TXNDC9: variants seen among roughly 807,000 people sequenced by gnomAD.
The protein encoded by TXNDC9 is thioredoxin domain-containing protein 9.
In TXNDC9, 7 loss-of-function variants were observed where a neutral mutation model predicts 23.0. The observed-to-expected ratio is 0.30, with a 90% confidence interval of 0.17 to 0.57. The LOEUF is 0.57. Among genes scored for constraint, TXNDC9 ranks in the 20% least tolerant of loss-of-function variants. The probability of loss-of-function intolerance (pLI) is 0.90; values close to 1 mark genes in which losing one functional copy is unlikely to be tolerated. For missense variants in TXNDC9, 198 were observed against 252.6 expected (o/e 0.78, Z 1.47); for synonymous variants, 72 against 90.6 (o/e 0.79, Z 1.17).
downstream of TXNDC9, among the ~76,000 whole-genome samples, chr2:99,314,304 G>C (rs2094183682): frequency 6.6e-6 from 1 of 152,004 alleles, no homozygotes; most frequent in African/African-American, 2.4e-5. Context: ...TTCTGCATCT[G>C]TGGATTCAAC....
chr2:99,314,172 C>T (rs1479177249), downstream of TXNDC9, among the ~76,000 whole-genome samples: 1 of 151,886 alleles, frequency 6.6e-6, no homozygotes, highest in African/African-American at 2.4e-5. Flanking sequence ...TTCAATTTAC[C>T]TCCTTTGCAG....
chr2:99,323,820 C>T (rs1472281139), intron 3 of TXNDC9, among the ~76,000 whole-genome samples: 2 of 151,966 alleles, frequency 1.3e-5, no homozygotes, highest in South Asian at 4.2e-4. Context: ...GGTTCTTAAC[C>T]CCAGGTGTTC....
chr2:99,316,516 GA>G (rs1301989460), downstream of TXNDC9, among the ~76,000 whole-genome samples: 1 of 151,858 alleles, frequency 6.6e-6, no homozygotes, highest in Non-Finnish European at 1.5e-5. Context: ...CTGTTTTCAA[GA>G]TTTTTTTCTT....
intron 4 of TXNDC9, among the ~76,000 whole-genome samples, chr2:99,320,482 A>G (rs2094198895): frequency 6.6e-6 from 1 of 152,194 alleles, no homozygotes; most frequent in Admixed American, 6.5e-5. Context: ...AGACAAACCC[A>G]AACTGGGAGA....
chr2:99,306,573 T>C, the TXNDC9 span, among the ~76,000 whole-genome samples: 6 of 152,140 alleles, frequency 3.9e-5, no homozygotes, highest in African/African-American at 1.4e-4. Context: ...TTCCACAACT[T>C]GGGAAGGAAT....
At chr2:99,317,558 C>T (rs772442864), downstream of TXNDC9, among the ~76,000 whole-genome samples, 7 of 152,120 alleles carry the variant, frequency 4.6e-5, no homozygotes, top group Admixed American at 1.3e-4. Flanking sequence ...CCTGATCTTT[C>T]GGGAAAGGTT....
chr2:99,336,100 G>T, intron 1 of TXNDC9, 139 bp downstream of exon 1: 2 of 751,844 alleles, frequency 2.7e-6, no homozygotes, highest in Non-Finnish European at 3.2e-6. Flanking sequence ...CTCCTGGTGC[G>T]CTTGCGCAAG....
Position 99,327,721 on chromosome 2 carries a change from G to T in TXNDC9, c.190-68C>A, listed in dbSNP as rs535908488. ...CTTTCAGAACCACTTGACATTTTAA[G>T]TGTCCAAATCACCATCGTATTTTGT... On this transcript the variant is annotated intron_variant, in intron 2 of 4. Coordinates refer to ENST00000264255, the MANE Select transcript of TXNDC9 (RefSeq NM_005783.4). 1.5e-3 allele frequency: 1,385 copies of T among 941,830 alleles called. 1 individual carries two copies. The highest frequency in any genetic ancestry group is 2.0e-3 in the Non-Finnish European group (1,233 of 607,760). The allele number at this position is 941,830 out of a possible 1,614,324, so 58.3% of individuals were successfully genotyped here. A position where few individuals can be genotyped will look rare whatever the true frequency, so the allele number is the denominator to read the frequency against.
Position 99,322,183 on chromosome 2 carries a change from G to T in TXNDC9, c.335C>A (p.Ala112Glu). 1.1e-5 allele frequency: 18 copies of T among 1,614,060 alleles called. No individual in the cohort carries two copies. The highest frequency in any genetic ancestry group is 1.5e-5 in the Non-Finnish European group (18 of 1,179,976). ...CTCGAGGTGTTTCTTGGACAATATT[G>T]CCAGATGTCTGTCTAGTATTTTACA... ...FRCKILDRHL[A>E]ILSKKHLETK... The change falls in exon 4 of 5, where the codon GCA becomes GAA. Residue 112 changes from alanine (A) to glutamate (E), a missense_variant. Transcript: ENST00000264255.
At chr2:99,331,678 C>T (rs1559236929) in intron 2 of TXNDC9, among the ~76,000 whole-genome samples, 1 of 152,162 alleles carries the variant, frequency 6.6e-6, no homozygotes, top group Non-Finnish European at 1.5e-5. Flanking sequence ...CTCTTCTAAA[C>T]ATGAGGGTGT....
At chr2:99,316,755 TTTTA>T, downstream of TXNDC9, among the ~76,000 whole-genome samples, 1 of 152,106 alleles carries the variant, frequency 6.6e-6, no homozygotes, top group African/African-American at 2.4e-5. Flanking sequence ...CTTTTATTTA[TTTTA>T]TTTTATATAT....
At chr2:99,332,788 G>C (rs967332896) in intron 2 of TXNDC9, 1 of 428,592 alleles carries the variant, frequency 2.3e-6, no homozygotes, top group Non-Finnish European at 4.1e-6. Context: ...TCAGAAAAAC[G>C]ATCTTGGGCA....
At position 99,327,598 on chromosome 2, in the gene TXNDC9, A is replaced by C; in HGVS notation, c.245T>G (p.Phe82Cys). 1 of 1,613,814 alleles carries C rather than the reference A, an allele frequency of 6.2e-7. No homozygotes were observed. The highest frequency in any genetic ancestry group is 8.5e-7 in the Non-Finnish European group (1 of 1,179,892). Reference protein sequence around the residue: ...EYREIPSERDFFQEVKESENV... With the variant: ...EYREIPSERDCFQEVKESENV... ...TTCACTCTCCTTGACTTCTTGAAAA[A>C]AGTCTCTTTCACTAGGGATTTCTCT... is the stretch of plus-strand genomic sequence containing the variant. The change falls in exon 3 of 5, where the codon TTT (phenylalanine) becomes TGT (cysteine). Residue 82 changes from phenylalanine to cysteine, a missense_variant. Phe to Cys is a radical substitution (Grantham distance 205, BLOSUM62 -2). Transcript: ENST00000264255.
downstream of TXNDC9, among the ~76,000 whole-genome samples, chr2:99,318,635 C>T (rs145172094): frequency 2.9e-3 from 446 of 152,278 alleles, 4 homozygotes; most frequent in African/African-American, 0.01. Flanking sequence ...AAGTGCATCT[C>T]CTTGCATGGA....
rs146918664 is a variant in TXNDC9, at chr2:99,320,117, C to A, written c.564-318G>T. Among the ~76,000 whole-genome samples, 334 of 152,304 alleles carry A rather than the reference C, an allele frequency of 2.2e-3. 11 individuals carry two copies. In the East Asian group the frequency reaches 0.057, roughly 26 times the overall value. ...CCAGTTCCTGGGCTCAAGCGATCCT[C>A]CCACCTCAGCCTCCCGAGTAGCTTG... On this transcript the variant is annotated intron_variant, in intron 4 of 4. Transcript: ENST00000264255.
chr2:99,319,416 G>A lies in TXNDC9; in HGVS notation c.*266C>T, dbSNP rs555059595. Reference sequence around the variant, plus strand: ...AAAACACAATTGTAAATGGTATAAAGATGTAAGAATCATATTGTGATAAAG... The same window carrying A: ...AAAACACAATTGTAAATGGTATAAAAATGTAAGAATCATATTGTGATAAAG... On this transcript the variant is annotated 3_prime_UTR_variant, in exon 5 of 5. Coordinates refer to ENST00000264255, the MANE Select transcript of TXNDC9 (RefSeq NM_005783.4). 85 of 289,324 alleles carry A rather than the reference G, an allele frequency of 2.9e-4. No individual in the cohort carries two copies. The highest frequency in any genetic ancestry group is 3.1e-4 in the Non-Finnish European group (49 of 158,354). 17.9% of individuals were successfully genotyped at this position (289,324 alleles called of 1,614,324 possible).
Position 99,319,757 on chromosome 2 carries a change from A to G in TXNDC9, c.606T>C (p.Phe202=). Residue 202 remains phenylalanine (F), a synonymous_variant, in exon 5 of 5, where the codon TTT becomes TTC. Coordinates refer to ENST00000264255, the MANE Select transcript of TXNDC9 (RefSeq NM_005783.4). The stretch of plus-strand genomic sequence containing the variant: ...TTTCCAGCTTTGTGAAGTTTGTTCC[A>G]AATTTCTTTTGGTTCTGAAATGGTG... ...MEPPFQNQKK[F]GTNFTKLEKK... is the part of the protein sequence containing the mutation. 1.2e-6 allele frequency: 2 copies of G among 1,602,856 alleles called. No individual in the cohort carries two copies. Among genetic ancestry groups the G allele is most frequent in the Non-Finnish European group, 1.7e-6 (2 of 1,176,980 alleles).
At chr2:99,315,445 T>C (rs546858478), downstream of TXNDC9, among the ~76,000 whole-genome samples, 7 of 152,298 alleles carry the variant, frequency 4.6e-5, no homozygotes, top group African/African-American at 1.7e-4. Flanking sequence ...GGATACATTT[T>C]ATCAGATATA....
At chr2:99,316,755 T>C (rs370590923), downstream of TXNDC9, among the ~76,000 whole-genome samples, 11 of 152,106 alleles carry the variant, frequency 7.2e-5, no homozygotes, top group South Asian at 2.3e-3. Flanking sequence ...CTTTTATTTA[T>C]TTTATTTTAT....
Sources: gnomAD v4.1 joint callset for allele counts (sites outside exome capture counted in the v4.1 genomes callset) on GRCh38, gnomAD v4.1.1 for gene constraint, MANE v1.5 for transcripts, NCBI Gene and HGNC (gene_info 2026-07-23, HGNC 2026-07-21) for gene names.